The following MCF2L variants were observed in gnomAD, a reference collection of about 807,000 sequenced individuals.
The protein encoded by MCF2L is MCF.2 cell line derived transforming sequence like.
Under a neutral mutation model 153.4 loss-of-function variants are expected in MCF2L, and 97 were observed. That is an observed-to-expected ratio of 0.63 (90% CI 0.54 to 0.75). The LOEUF (loss-of-function observed/expected upper bound fraction) is 0.75. MCF2L is among the 30% of genes least tolerant of loss of function. The pLI is 0.00. For synonymous variants in MCF2L, 659 were observed against 632.2 expected (o/e 1.04, Z -0.64); for missense variants, 1,347 against 1,495.2 (o/e 0.90, Z 1.64).
At chr13:113,095,553 C>G (rs1175848820) in intron 27 of MCF2L, 1 of 1,010,460 alleles carries the variant, frequency 9.9e-7, no homozygotes, top group Non-Finnish European at 1.2e-6. Flanking sequence ...GAGGCAGGAG[C>G]CAGTACAGGC....
chr13:113,045,163 C>A lies in MCF2L; in HGVS notation c.279-108C>A. The A allele has an allele frequency of 1.9e-6, 2 of 1,031,240 alleles. No homozygotes were observed. Among genetic ancestry groups the A allele is most frequent in the South Asian group, 1.3e-5 (1 of 76,598 alleles). 63.9% of individuals were successfully genotyped at this position (1,031,240 alleles called of 1,614,324 possible). A position where few individuals can be genotyped will look rare whatever the true frequency, so the allele number is the denominator to read the frequency against. On this transcript the variant is annotated intron_variant, in intron 3 of 29. Transcript: ENST00000535094. The surrounding 1 kb of genome is among the most constrained non-coding windows in gnomAD (Gnocchi z 4.2). ...CTCTCACCTGGTATTGCAGAAATGG[C>A]ATCATGAATATGGGGGATCGCTCTC...
At chr13:112,954,048 A>G (rs1366474267) in intron 2 of MCF2L, among the ~76,000 whole-genome samples, 1 of 152,062 alleles carries the variant, frequency 6.6e-6, no homozygotes. Flanking sequence ...ATGTCATTTT[A>G]TTGTTGATCT....
intron 3 of MCF2L, chr13:113,044,411 G>A (rs2086676417): frequency 4.8e-6 from 2 of 413,586 alleles, no homozygotes; most frequent in Non-Finnish European, 9.1e-6. Context: ...TGCTCACAGA[G>A]AGCGGCCACG....
chr13:112,996,542 T>C (rs1025441619), intron 1 of MCF2L, among the ~76,000 whole-genome samples: 2 of 152,152 alleles, frequency 1.3e-5, no homozygotes, highest in African/African-American at 2.4e-5. Flanking sequence ...GGAACGTCTG[T>C]TGGGGAAATG....
chr13:112,972,824 G>A, intron 1 of MCF2L, among the ~76,000 whole-genome samples: 1 of 147,444 alleles, frequency 6.8e-6, no homozygotes, highest in Non-Finnish European at 1.5e-5. Flanking sequence ...ATGGATGGAT[G>A]GAAGGTGGAT....
chr13:112,968,618 C>G, upstream of MCF2L: 3 of 1,529,848 alleles, frequency 2.0e-6, no homozygotes, highest in Non-Finnish European at 2.6e-6. Context: ...GACCTGCTTA[C>G]CTGGGCGCGG....
chr13:113,098,983 C>A lies in MCF2L; in HGVS notation c.*2124C>A, dbSNP rs2035823272. 1 of 152,258 alleles carries A rather than the reference C, an allele frequency of 6.6e-6. No individual in the cohort carries two copies. Among genetic ancestry groups the A allele is most frequent in the South Asian group, 2.1e-4 (1 of 4,836 alleles). 9.4% of individuals were successfully genotyped at this position (152,258 alleles called of 1,614,324 possible). A position where few individuals can be genotyped will look rare whatever the true frequency, so the allele number is the denominator to read the frequency against. ...TCACAACAGACGTGATCATGTTATG[C>A]TGGCCTGGAAGAGCATCGGATCAGA... is the stretch of plus-strand genomic sequence containing the variant. On this transcript the variant is annotated 3_prime_UTR_variant, in exon 30 of 30. Coordinates refer to ENST00000535094, the MANE Select transcript of MCF2L (RefSeq NM_001112732.3).
rs1328385326 is a variant in MCF2L at position 112,932,336 on chromosome 13, C to T, written c.169+29965C>T. Among the ~76,000 whole-genome samples the T allele has an allele frequency of 6.6e-6, 1 of 152,146 alleles. No individual in the cohort carries two copies. The highest frequency in any genetic ancestry group is 1.5e-5 in the Non-Finnish European group (1 of 68,024). ...AGTTCCAACAGAGGCTTCCAGTATA[C>T]CTGACCAGTAGCCCTCAAAACTGTC... On this transcript the variant is annotated intron_variant, in intron 2 of 29. Transcript: ENST00000375608. The surrounding 1 kb of genome is among the most constrained non-coding windows in gnomAD (Gnocchi z 4.6).
At chr13:113,039,392 A>C (rs954720892) in intron 3 of MCF2L, among the ~76,000 whole-genome samples, 1 of 152,244 alleles carries the variant, frequency 6.6e-6, no homozygotes, top group Non-Finnish European at 1.5e-5. Context: ...ATTTCAGAGT[A>C]AGAAAAGATT....
chr13:112,962,564 A>C (rs994411005), intron 2 of MCF2L, among the ~76,000 whole-genome samples: 1 of 152,214 alleles, frequency 6.6e-6, no homozygotes, highest in Admixed American at 6.5e-5. Context: ...CACACCTGAC[A>C]GCATGGACAG....
chr13:112,984,079 A>G (rs1203445854), intron 1 of MCF2L, among the ~76,000 whole-genome samples: 1 of 152,188 alleles, frequency 6.6e-6, no homozygotes, highest in East Asian at 1.9e-4. Flanking sequence ...CCTGCATGGC[A>G]TGGTGGCAGA....
chr13:113,095,150 T>G, intron 27 of MCF2L: 2 of 1,288,294 alleles, frequency 1.6e-6, no homozygotes, highest in Non-Finnish European at 2.0e-6. Context: ...GAAAAAACAT[T>G]CATTGTTAAT....
chr13:113,026,711 G>A (rs557364994), intron 3 of MCF2L, among the ~76,000 whole-genome samples: 177 of 152,368 alleles, frequency 1.2e-3, no homozygotes, highest in Admixed American at 2.1e-3. Context: ...GGGCGTGGCC[G>A]CCTCCTGCCC....
chr13:113,050,881 G>A (rs1001861524), intron 4 of MCF2L, among the ~76,000 whole-genome samples: 1 of 152,002 alleles, frequency 6.6e-6, no homozygotes, highest in Admixed American at 6.5e-5. Context: ...CCAGATGGAG[G>A]GGGGCGAGGA....
chr13:112,946,944 T>C (rs1006455500), intron 2 of MCF2L, among the ~76,000 whole-genome samples: 16 of 152,156 alleles, frequency 1.1e-4, no homozygotes, highest in Non-Finnish European at 2.2e-4. Flanking sequence ...CAGGGAGCAG[T>C]GGCAGGGTGA....
At chr13:112,992,225 A>G (rs773295330) in intron 1 of MCF2L, among the ~76,000 whole-genome samples, 27 of 152,256 alleles carry the variant, frequency 1.8e-4, no homozygotes, top group Non-Finnish European at 3.7e-4. Flanking sequence ...CATTATGTAT[A>G]TGCACATAGT....
chr13:113,009,149 C>G (rs1432107894), intron 1 of MCF2L: 5 of 152,304 alleles, frequency 3.3e-5, no homozygotes. Context: ...ACCTGCCCCC[C>G]ACGTGGGAGT....
At chr13:112,970,171 T>C (rs2081990028) in intron 1 of MCF2L, among the ~76,000 whole-genome samples, 1 of 152,080 alleles carries the variant, frequency 6.6e-6, no homozygotes, top group African/African-American at 2.4e-5. Context: ...TTCCTTGAAA[T>C]GAAGAGGAAA....
intron 2 of MCF2L, among the ~76,000 whole-genome samples, chr13:113,024,203 G>A (rs374658805): frequency 1.3e-5 from 2 of 152,196 alleles, no homozygotes; most frequent in African/African-American, 4.8e-5. Flanking sequence ...GTACAGTTAG[G>A]CAGGTTATTA....
Sources: allele counts gnomAD v4.1 joint callset (sites outside exome capture counted in the v4.1 genomes callset), GRCh38; gene constraint gnomAD v4.1.1; non-coding constraint Gnocchi (gnomAD v3.1); transcripts MANE v1.5; gene names NCBI Gene and HGNC (gene_info 2026-07-23, HGNC 2026-07-21).